The following RGS7 variants were observed in gnomAD, a reference collection of about 807,000 sequenced individuals.
The protein encoded by RGS7 is regulator of G protein signaling 7, also known as regulator of G-protein signaling 7.
Under a neutral mutation model 81.1 loss-of-function variants are expected in RGS7, and 27 were observed. That is an observed-to-expected ratio of 0.33 (90% confidence interval 0.25 to 0.46). The LOEUF is 0.46. Among genes scored for constraint, RGS7 ranks in the 20% least tolerant of loss-of-function variants. The pLI, the probability that RGS7 is intolerant of heterozygous loss-of-function variation, is 1.00. For synonymous variants in RGS7, 208 were observed against 207.7 expected (o/e 1.00, Z -0.01); for missense variants, 396 against 607.4 (o/e 0.65, Z 3.66).
At chr1:240,838,841 A>G (rs1232245603) in intron 9 of RGS7, among the ~76,000 whole-genome samples, 1 of 151,322 alleles carries the variant, frequency 6.6e-6, no homozygotes, top group African/African-American at 2.4e-5. Context: ...ATCTCGGCTC[A>G]CCGCAAGCTC....
chr1:241,084,021 A>C (rs1204466420), intron 3 of RGS7, among the ~76,000 whole-genome samples: 1 of 152,232 alleles, frequency 6.6e-6, no homozygotes, highest in Non-Finnish European at 1.5e-5. Flanking sequence ...CTCCAAATAT[A>C]ATAAGCAGGC....
intron 10 of RGS7, among the ~76,000 whole-genome samples, chr1:240,817,276 T>C (rs1318664609): frequency 1.3e-5 from 2 of 152,306 alleles, no homozygotes; most frequent in South Asian, 2.1e-4. Flanking sequence ...TTAATGTGTG[T>C]TATTGAGCAC....
intron 3 of RGS7, among the ~76,000 whole-genome samples, chr1:240,999,308 A>G (rs1272734245): frequency 6.6e-6 from 1 of 151,972 alleles, no homozygotes; most frequent in African/African-American, 2.4e-5. Context: ...TTCCCTGGCC[A>G]CACTGGAAGA....
At chr1:241,045,517 C>T (rs2060877561) in intron 3 of RGS7, among the ~76,000 whole-genome samples, 1 of 152,128 alleles carries the variant, frequency 6.6e-6, no homozygotes, top group African/African-American at 2.4e-5. Context: ...GTGCCCACAA[C>T]CATGCCAGGC....
At chr1:241,181,302 T>G (rs1035092714) in intron 2 of RGS7, among the ~76,000 whole-genome samples, 4 of 152,204 alleles carry the variant, frequency 2.6e-5, no homozygotes, top group African/African-American at 9.7e-5. Context: ...TATGTACATA[T>G]ACGGATACGG....
At chr1:240,834,472 G>A (rs1011670637) in intron 9 of RGS7, among the ~76,000 whole-genome samples, 6 of 152,122 alleles carry the variant, frequency 3.9e-5, no homozygotes, top group South Asian at 2.1e-4. Context: ...AAGGTGGTAA[G>A]GACTTTGGTT....
intron 9 of RGS7, among the ~76,000 whole-genome samples, chr1:240,832,788 C>T (rs998584382): frequency 6.6e-6 from 1 of 152,046 alleles, no homozygotes; most frequent in African/African-American, 2.4e-5. Flanking sequence ...TAGAAATGCA[C>T]CATCAAATAG....
intron 4 of RGS7, among the ~76,000 whole-genome samples, chr1:240,969,434 A>G (rs573415426): frequency 2.6e-5 from 4 of 152,184 alleles, no homozygotes; most frequent in Non-Finnish European, 5.9e-5. Context: ...GTGTAGAAAT[A>G]TCAAGCTCTG....
At chr1:241,297,620 G>A (rs1291397070) in intron 2 of RGS7, among the ~76,000 whole-genome samples, 2 of 152,162 alleles carry the variant, frequency 1.3e-5, no homozygotes. Flanking sequence ...ATTGGCCAAT[G>A]CTCGGAAGAA....
chr1:240,779,099 TTGTGTGTGTG>T (rs71172643), intron 18 of RGS7, among the ~76,000 whole-genome samples: 1,814 of 144,290 alleles, frequency 0.013, 40 homozygotes, highest in African/African-American at 0.042. Flanking sequence ...TTAGTGTTCT[TTGTGTGTGTG>T]TGTGTGTGTG....
intron 18 of RGS7, among the ~76,000 whole-genome samples, chr1:240,787,545 G>C (rs1685272359): frequency 6.6e-6 from 1 of 152,172 alleles, no homozygotes; most frequent in African/African-American, 2.4e-5. Flanking sequence ...GTGGAATTCT[G>C]TCTTCCTCCC....
At chr1:241,115,202 A>G (rs925841278) in intron 2 of RGS7, among the ~76,000 whole-genome samples, 1 of 152,122 alleles carries the variant, frequency 6.6e-6, no homozygotes, top group Non-Finnish European at 1.5e-5. Context: ...TCTGGAGTCT[A>G]TTTTCTGATG....
chr1:241,037,652 T>C (rs2060398983), intron 3 of RGS7, among the ~76,000 whole-genome samples: 1 of 148,510 alleles, frequency 6.7e-6, no homozygotes, highest in South Asian at 2.1e-4. Context: ...GCCCAGGACG[T>C]GGAGGTTGCA....
intron 10 of RGS7, among the ~76,000 whole-genome samples, chr1:240,825,895 A>C (rs564571911): frequency 7.9e-5 from 12 of 152,176 alleles, no homozygotes; most frequent in Non-Finnish European, 1.5e-4. Context: ...GAATCACAGC[A>C]TGTCTGTGTT....
intron 18 of RGS7, among the ~76,000 whole-genome samples, chr1:240,795,552 C>T (rs12031528): frequency 0.66 from 100,142 of 152,064 alleles, 33,241 homozygotes; most frequent in Non-Finnish European, 0.7. Context: ...TCCATTTAAC[C>T]AAGCAGTTCA....
intron 3 of RGS7, among the ~76,000 whole-genome samples, chr1:241,067,982 G>T (rs2062169599): frequency 6.6e-6 from 1 of 151,510 alleles, no homozygotes; most frequent in South Asian, 2.1e-4. Flanking sequence ...GTATGTGATG[G>T]GCTGAGTCCA....
chr1:241,131,079 G>A (rs562494208), intron 2 of RGS7, among the ~76,000 whole-genome samples: 45 of 152,078 alleles, frequency 3.0e-4, no homozygotes, highest in African/African-American at 1.0e-3. Flanking sequence ...TCTTTATGCC[G>A]ATGACATGAT....
intron 14 of RGS7, among the ~76,000 whole-genome samples, chr1:240,808,885 A>C (rs1689350883): frequency 1.5e-5 from 2 of 130,032 alleles, no homozygotes; most frequent in South Asian, 2.5e-4. Flanking sequence ...TCTTAAAAAA[A>C]AAAAAAAATC....
intron 3 of RGS7, among the ~76,000 whole-genome samples, chr1:241,098,128 C>T (rs1008057557): frequency 1.3e-5 from 2 of 152,170 alleles, no homozygotes; most frequent in Non-Finnish European, 2.9e-5. Flanking sequence ...CCATATTTCC[C>T]CTTTTATCAG....
Sources: gnomAD v4.1 joint callset for allele counts (sites outside exome capture counted in the v4.1 genomes callset) on GRCh38, gnomAD v4.1.1 for gene constraint, MANE v1.5 for transcripts, NCBI Gene and HGNC (gene_info 2026-07-23, HGNC 2026-07-21) for gene names.